The following GPS1 variants were observed in gnomAD, a reference collection of about 807,000 sequenced individuals.
GPS1 encodes the protein G protein pathway suppressor 1.
Under a neutral mutation model 60.0 loss-of-function variants are expected in GPS1, and 11 were observed. The observed-to-expected ratio is 0.18, with a 90% confidence interval of 0.12 to 0.30. The LOEUF (loss-of-function observed/expected upper bound fraction) is 0.30, where lower values mean the gene tolerates loss of function less well. Among genes scored for constraint, GPS1 ranks in the 10% least tolerant of loss-of-function variants. The probability of loss-of-function intolerance (pLI) is 1.00; values close to 1 mark genes in which losing one functional copy is unlikely to be tolerated. For missense variants in GPS1, 543 were observed against 669.2 expected (o/e 0.81, Z 2.08); for synonymous variants, 343 against 269.8 (o/e 1.27, Z -2.66).
upstream of GPS1, chr17:82,051,168 G>A: frequency 2.3e-6 from 3 of 1,303,484 alleles, no homozygotes; most frequent in Non-Finnish European, 2.9e-6. The surrounding 1 kb of genome is among the most constrained non-coding windows in gnomAD (Gnocchi z 4.1). Context: ...GCAGCGTCGG[G>A]GCCTCCCCGG....
rs1362595320 is a variant in GPS1, at chr17:82,055,180, A to G, written c.706A>G (p.Ser236Gly). The part of the protein sequence containing the change: ...EIAEQRGERD[S>G]QTQAILTKLK... ...CCTACAGCAGCGAGGAGAGCGTGAC[A>G]GCCAGACCCAGGCCATCCTCACCAA... The change falls in exon 6 of 13, where the codon AGC becomes GGC. Residue 236 changes from serine (S) to glycine (G), a missense_variant. By Grantham distance (56) the Ser-to-Gly change is moderately conservative (BLOSUM62 0). This residue lies in a region of GPS1 where 291 missense variants were observed against 353.7 expected (regional missense o/e 0.82). Transcript: ENST00000578552. The G allele has an allele frequency of 2.6e-6, 4 of 1,561,608 alleles. No homozygotes were observed. In the East Asian group the frequency reaches 7.2e-5, roughly 28 times the overall value.
upstream of GPS1, chr17:82,051,143 G>A (rs1349991677): frequency 7.6e-7 from 1 of 1,317,728 alleles, no homozygotes; most frequent in East Asian, 3.1e-5. The surrounding 1 kb of genome is among the most constrained non-coding windows in gnomAD (Gnocchi z 4.1). Flanking sequence ...GCCCTCCGCA[G>A]GCCGCGTGAC....
At position 82,056,688 on chromosome 17, in the gene GPS1, G is replaced by A. The variant is rs750606278; in HGVS notation, c.1176G>A (p.Thr392=). Residue 392 remains threonine (T), a synonymous_variant, in exon 11 of 13, where the codon ACG becomes ACA. Transcript: ENST00000578552. The part of the protein sequence containing the change: ...MHRMAAAFNT[T]VAALEDELTQ... ...GGATGGCGGCAGCCTTCAATACCAC[G>A]GTGGCCGCCCTGGAGGACGAGCTGA... The A allele has an allele frequency of 1.5e-5, 24 of 1,597,834 alleles. No homozygotes were observed. Among genetic ancestry groups the A allele is most frequent in the Non-Finnish European group, 1.8e-5 (21 of 1,171,000 alleles).
intron 3 of GPS1, 200 bp downstream of exon 3, chr17:82,054,249 ATTCCAAGGG>A: frequency 1.4e-6 from 1 of 739,742 alleles, no homozygotes; most frequent in East Asian, 2.7e-5. Context: ...CAGGGCTTTG[ATTCCAAGGG>A]GAGCTGTTGG....
Position 82,056,361 on chromosome 17 carries a change from C to T in GPS1, c.1005C>T (p.Ala335=). Reference sequence around the variant, plus strand: ...TCAAATTCTACGAGTCCAAGTACGCCTCATGTCTCAAGATGCTGGACGAGA... The same window carrying T: ...TCAAATTCTACGAGTCCAAGTACGCTTCATGTCTCAAGATGCTGGACGAGA... The part of the protein sequence containing the change: ...IIFKFYESKY[A]SCLKMLDEMK... Residue 335 remains alanine (A), a synonymous_variant, in exon 9 of 13, where the codon GCC becomes GCT. Transcript: ENST00000578552. 2 of 1,613,298 alleles carry T rather than the reference C, an allele frequency of 1.2e-6. No homozygotes were observed. The highest frequency in any genetic ancestry group is 2.2e-5 in the East Asian group (1 of 44,880).
chr17:82,055,112 C>T (rs950631699), intron 5 of GPS1, 50 bp from the exon 6 acceptor site: 33 of 1,564,890 alleles, frequency 2.1e-5, no homozygotes, highest in Non-Finnish European at 2.9e-5. Flanking sequence ...GGGCATCGAG[C>T]TCTAGGAAAT....
rs10013 is a variant in GPS1, at chr17:82,057,352, C to G, written c.*225C>G. 6.0e-5 allele frequency: 43 copies of G among 711,546 alleles called. No homozygotes were observed. In the South Asian group the frequency reaches 6.3e-4, roughly 10 times the overall value. The allele number at this position is 711,546 out of a possible 1,614,324, so 44.1% of individuals were successfully genotyped here. A position where few individuals can be genotyped will look rare whatever the true frequency, so the allele number is the denominator to read the frequency against. On this transcript the variant is annotated 3_prime_UTR_variant, in exon 13 of 13. Transcript: ENST00000578552. ...GCTCGACCCTGTGGGTTTCTGTCCC[C>G]AGGGAGCAGACTGTGCGGCACCCAG...
chr17:82,055,635 C>T lies in GPS1; in HGVS notation c.749-105C>T, dbSNP rs370284138. ...CCCGGGGCAGGAGAGGCCAGCGAGC[C>T]GGCTGGTGGTCGCGTTCTCCCTGGT... On this transcript the variant is annotated intron_variant, in intron 6 of 12. Coordinates refer to ENST00000578552, the MANE Select transcript of GPS1 (RefSeq NM_001321092.3). 646 of 745,304 alleles carry T rather than the reference C, an allele frequency of 8.7e-4. 8 individuals are homozygous for T. In the South Asian group the frequency reaches 9.4e-3, roughly 11 times the overall value. 46.2% of individuals were successfully genotyped at this position (745,304 alleles called of 1,614,324 possible). A position where few individuals can be genotyped will look rare whatever the true frequency, so the allele number is the denominator to read the frequency against.
At chr17:82,051,884 T>G, upstream of GPS1, 2 of 1,152,886 alleles carry the variant, frequency 1.7e-6, no homozygotes, top group Non-Finnish European at 2.1e-6. This position sits in a 1 kb window ranked among gnomAD's most constrained non-coding sequence, Gnocchi z 4.1. Context: ...AAGCGACGGC[T>G]TCGCTGCCCC....
intron 10 of GPS1, 24 bp from the exon 11 acceptor site, chr17:82,056,604 GA>G (rs1568069186): frequency 6.2e-7 from 1 of 1,612,334 alleles, no homozygotes; most frequent in Non-Finnish European, 8.5e-7. Context: ...GGGGGCTGTG[GA>G]GCTGACTTCC....
At chr17:82,052,422 T>TA in intron 1 of GPS1, 1 of 1,611,428 alleles carries the variant, frequency 6.2e-7, no homozygotes, top group Non-Finnish European at 8.5e-7. Flanking sequence ...GACTTCAGCC[T>TA]GAGCGCCAGC....
upstream of GPS1, chr17:82,051,460 TG>T: frequency 7.5e-7 from 1 of 1,324,592 alleles, no homozygotes. The surrounding 1 kb of genome is among the most constrained non-coding windows in gnomAD (Gnocchi z 4.1). Context: ...GCGGGGCGGG[TG>T]GGCGTGGGGC....
At position 82,054,052 on chromosome 17, in the gene GPS1, G is replaced by A; in HGVS notation, c.308+3G>A. On this transcript the variant is annotated splice_donor_region_variant and intron_variant, in intron 3 of 12. Coordinates refer to ENST00000578552, the MANE Select transcript of GPS1 (RefSeq NM_001321092.3). ...CGCAAGCTCTCAGAGGCCACCAGGT[G>A]AGGCCAGGGGCTTGGCGAGAGGAAG... 2 of 1,606,514 alleles carry A rather than the reference G, an allele frequency of 1.2e-6. No individual in the cohort carries two copies. Among genetic ancestry groups the A allele is most frequent in the South Asian group, 1.1e-5 (1 of 90,418 alleles).
At position 82,054,702 on chromosome 17, in the gene GPS1, C is replaced by T. The variant is rs2032090103; in HGVS notation, c.501C>T (p.His167=). The T allele has an allele frequency of 6.2e-7, 1 of 1,612,276 alleles. No individual in the cohort carries two copies. The highest frequency in any genetic ancestry group is 2.2e-5 in the East Asian group (1 of 44,882). ...GCGGCCACGACGACCTGGGCGACCA[C>T]TACCTGGACTGTGGGGACCTCAGCA... ...IRRGHDDLGD[H]YLDCGDLSNA... Residue 167 remains histidine, a synonymous_variant, in exon 4 of 13, where the codon CAC becomes CAT. Transcript: ENST00000578552.
chr17:82,055,128 G>T, intron 5 of GPS1, 34 bp from the exon 6 acceptor site: 1 of 1,563,736 alleles, frequency 6.4e-7, no homozygotes, highest in Non-Finnish European at 8.7e-7. Context: ...GAAATGTGGA[G>T]CATGGGCCTC....
chr17:82,052,090 T>A, intron 1 of GPS1, 126 bp downstream of exon 1: 1 of 853,668 alleles, frequency 1.2e-6, no homozygotes, highest in Non-Finnish European at 1.5e-6. Context: ...GTGCCGGGCC[T>A]CCGCGGGCAG....
chr17:82,053,208 G>A (rs750762319), intron 1 of GPS1, 66 bp from the exon 2 acceptor site: 378 of 1,295,280 alleles, frequency 2.9e-4, no homozygotes, highest in Middle Eastern at 1.1e-3. Flanking sequence ...AGAGAACAGT[G>A]CGGGTCTCTC....
intron 2 of GPS1, 72 bp downstream of exon 2, chr17:82,053,438 A>AG (rs2031587098): frequency 1.9e-6 from 2 of 1,069,130 alleles, no homozygotes; most frequent in East Asian, 6.0e-5. Context: ...TCCCCGCTGC[A>AG]GCCTGCACAG....
At position 82,056,718 on chromosome 17, in the gene GPS1, G is replaced by A; in HGVS notation, c.1206G>A (p.Gln402=). 1 of 1,590,022 alleles carries A rather than the reference G, an allele frequency of 6.3e-7. No homozygotes were observed. The highest frequency in any genetic ancestry group is 8.6e-7 in the Non-Finnish European group (1 of 1,167,240). ...CCGCCCTGGAGGACGAGCTGACGCAGCTAATCCTGGAGGGGCTGATCAGTG... is the reference window on the plus strand; with the variant it reads ...CCGCCCTGGAGGACGAGCTGACGCAACTAATCCTGGAGGGGCTGATCAGTG... The part of the protein sequence containing the change: ...TVAALEDELT[Q]LILEGLISAR... Residue 402 remains glutamine (Q), a synonymous_variant, in exon 11 of 13, where the codon CAG becomes CAA. Coordinates refer to ENST00000578552, the MANE Select transcript of GPS1 (RefSeq NM_001321092.3).
Sources: gnomAD v4.1 joint callset for allele counts on GRCh38, gnomAD v4.1.1 for gene constraint, gnomAD v4.1.1 regional missense constraint, Gnocchi (gnomAD v3.1) non-coding constraint, MANE v1.5 for transcripts, NCBI Gene and HGNC (gene_info 2026-07-23, HGNC 2026-07-21) for gene names.